The following STRA8 variants were observed in gnomAD, a reference collection of about 807,000 sequenced individuals.
STRA8 encodes the protein stimulated by retinoic acid gene 8 protein homolog.
A neutral mutation model predicts 37.1 loss-of-function variants in STRA8; 18 were observed. That is an observed-to-expected ratio of 0.48 (90% CI 0.34 to 0.72). The LOEUF (loss-of-function observed/expected upper bound fraction) is 0.72. STRA8 is among the 30% of genes least tolerant of loss of function. The pLI, the probability that STRA8 is intolerant of heterozygous loss-of-function variation, is 0.01. For synonymous variants in STRA8, 168 were observed against 162.9 expected, an observed-to-expected ratio of 1.03 and a Z score of -0.24; for missense variants, 357 against 410.4, an observed-to-expected ratio of 0.87 and a Z score of 1.13.
intron 1 of STRA8, among the ~76,000 whole-genome samples, chr7:135,238,357 T>G (rs1329148740): frequency 3.9e-5 from 6 of 152,102 alleles, no homozygotes; most frequent in African/African-American, 1.2e-4. Flanking sequence ...AGGCGACTGG[T>G]GGGAAGTCTG....
chr7:135,247,342 A>G (rs771351264), intron 6 of STRA8: 1 of 152,282 alleles, frequency 6.6e-6, no homozygotes, highest in Admixed American at 6.5e-5. Flanking sequence ...CGAGGCAGGC[A>G]GAGGAGCTCA....
In STRA8 at chr7:135,246,466, A is replaced by T. The variant is rs1010113367; in HGVS notation, c.643A>T (p.Ile215Phe). The T allele has an allele frequency of 1.9e-6, 3 of 1,598,318 alleles. No homozygotes were observed. Among genetic ancestry groups the T allele is most frequent in the Middle Eastern group, 3.3e-4 (2 of 6,046 alleles). ...QTMDLLTGSG[I>F]ITPQEAALPI... ...GATGGACCTTCTGACTGGCAGCGGG[A>T]TCATTACCCCGCAGGAGGCGGCGCT... The change falls in exon 6 of 9, where the codon ATC becomes TTC. Residue 215 changes from isoleucine (I) to phenylalanine (F), a missense_variant. Ile to Phe is a conservative substitution (Grantham distance 21). Transcript: ENST00000662584. This position sits in a 1 kb window ranked among gnomAD's most constrained non-coding sequence, Gnocchi z 5.4.
At chr7:135,234,176 A>AG (rs1187006798) in intron 1 of STRA8, among the ~76,000 whole-genome samples, 2 of 151,878 alleles carry the variant, frequency 1.3e-5, no homozygotes, top group Admixed American at 6.6e-5. Flanking sequence ...GCGAGATCTC[A>AG]GCTCACTGCA....
At position 135,246,400 on chromosome 7, in the gene STRA8, C is replaced by A; in HGVS notation, c.594-17C>A. 1 of 1,590,104 alleles carries A rather than the reference C, an allele frequency of 6.3e-7. No individual in the cohort carries two copies. The highest frequency in any genetic ancestry group is 1.1e-5 in the South Asian group (1 of 87,462). On this transcript the variant is annotated splice_polypyrimidine_tract_variant and intron_variant, in intron 5 of 8. Coordinates refer to ENST00000662584, the MANE Select transcript of STRA8 (RefSeq NM_001394401.1). This position sits in a 1 kb window ranked among gnomAD's most constrained non-coding sequence, Gnocchi z 5.4. ...AGGGAGCTTTAGGGGTGCGAGACGG[C>A]GCCGCTTCTGTTCCAGGTATCTCAA...
At position 135,243,339 on chromosome 7, in the gene STRA8, G is replaced by C; in HGVS notation, c.282G>C (p.Leu94=). The C allele has an allele frequency of 6.2e-7, 1 of 1,614,126 alleles. No individual in the cohort carries two copies. Among genetic ancestry groups the C allele is most frequent in the Middle Eastern group, 1.6e-4 (1 of 6,062 alleles). Residue 94 remains leucine, a synonymous_variant, in exon 4 of 9, where the codon CTG becomes CTC. Coordinates refer to ENST00000662584, the MANE Select transcript of STRA8 (RefSeq NM_001394401.1). The part of the protein sequence containing the change: ...NLLKLKASFN[L]EDGHASSLEE... ...ACTCCCCAATAGCATCCTTCAACCT[G>C]GAAGATGGGCATGCAAGCAGCTTAG...
At chr7:135,258,393 C>T in intron 8 of STRA8, 25 bp from the exon 9 acceptor site, 3 of 1,579,422 alleles carry the variant, frequency 1.9e-6, no homozygotes, top group Admixed American at 1.8e-5. Context: ...TAAAAAGTGA[C>T]CCTCTTCCAC....
At position 135,255,720 on chromosome 7, in the gene STRA8, GC is replaced by G. The variant is rs1166740936; in HGVS notation, c.1065+501del. Among the ~76,000 whole-genome samples, 11 of 152,286 alleles carry G rather than the reference GC, an allele frequency of 7.2e-5. No individual in the cohort carries two copies. In the East Asian group the frequency reaches 1.5e-3, roughly 21 times the overall value. On this transcript the variant is annotated intron_variant, in intron 8 of 8. Transcript: ENST00000662584. The stretch of plus-strand genomic sequence containing the variant: ...AGAGTTTCATCCTGAAACCACCCTT[GC>G]CCCCCAGGTCTGTGGGAAAATTGTC...
chr7:135,257,026 G>A (rs1832711997), intron 8 of STRA8, among the ~76,000 whole-genome samples: 1 of 152,130 alleles, frequency 6.6e-6, no homozygotes, highest in South Asian at 2.1e-4. Flanking sequence ...TGAACAAGGG[G>A]CCCACAAGAT....
At position 135,246,308 on chromosome 7, in the gene STRA8, C is replaced by T; in HGVS notation, c.594-109C>T. 2 of 1,423,226 alleles carry T rather than the reference C, an allele frequency of 1.4e-6. No homozygotes were observed. The highest frequency in any genetic ancestry group is 2.1e-5 in the Admixed American group (1 of 48,150). The allele number at this position is 1,423,226 out of a possible 1,614,324, so 88.2% of individuals were successfully genotyped here. A position where few individuals can be genotyped will look rare whatever the true frequency, so the allele number is the denominator to read the frequency against. The stretch of plus-strand genomic sequence containing the variant: ...CTGAGAAGTCTCAGCCCTGGTGAGC[C>T]GTGGCGCCGTGGCCGGGCCTGCGTG... On this transcript the variant is annotated intron_variant, in intron 5 of 8. Transcript: ENST00000662584. The surrounding 1 kb of genome is among the most constrained non-coding windows in gnomAD (Gnocchi z 5.4).
chr7:135,248,514 C>T (rs1832597348), intron 6 of STRA8, among the ~76,000 whole-genome samples: 1 of 152,112 alleles, frequency 6.6e-6, no homozygotes, highest in Admixed American at 6.5e-5. Flanking sequence ...TTGAGACCAG[C>T]CTGGGCAACA....
chr7:135,252,470 C>A (rs1832651384), intron 7 of STRA8, among the ~76,000 whole-genome samples: 1 of 152,152 alleles, frequency 6.6e-6, no homozygotes, highest in Non-Finnish European at 1.5e-5. Context: ...CAAATCAGAT[C>A]TGGTGCCTAA....
rs1832441868 is a variant in STRA8 at position 135,240,278 on chromosome 7, ATCT to A, written c.-6-240_-6-238del. On this transcript the variant is annotated intron_variant, in intron 1 of 8. Coordinates refer to ENST00000662584, the MANE Select transcript of STRA8 (RefSeq NM_001394401.1). ...ACAGAATTTGTGTTGACCCTGTATA[ATCT>A]CCATCTGCTTTTCTTAATTAGCAAT... Among the ~76,000 whole-genome samples, 3 of 152,034 alleles carry A rather than the reference ATCT, an allele frequency of 2.0e-5. No individual in the cohort carries two copies. In the South Asian group the frequency reaches 6.2e-4, roughly 32 times the overall value.
At chr7:135,251,497 C>T (rs1238482678) in intron 6 of STRA8, among the ~76,000 whole-genome samples, 1 of 152,188 alleles carries the variant, frequency 6.6e-6, no homozygotes, top group Non-Finnish European at 1.5e-5. Context: ...CTGGTAATTG[C>T]ATCTCACACC....
intron 4 of STRA8, among the ~76,000 whole-genome samples, chr7:135,244,243 GAC>G (rs1316288713): frequency 1.3e-5 from 2 of 152,296 alleles, no homozygotes; most frequent in East Asian, 3.9e-4. Flanking sequence ...ATTTTTAGTA[GAC>G]ACGGGGTTTC....
At chr7:135,254,622 TCA>T in intron 7 of STRA8, among the ~76,000 whole-genome samples, 1 of 152,172 alleles carries the variant, frequency 6.6e-6, no homozygotes, top group East Asian at 1.9e-4. Flanking sequence ...TAAGCTCGAG[TCA>T]CACAGGGCTT....
chr7:135,253,113 T>G (rs1832658837), intron 7 of STRA8, among the ~76,000 whole-genome samples: 1 of 152,184 alleles, frequency 6.6e-6, no homozygotes, highest in Admixed American at 6.5e-5. Flanking sequence ...TTTTGTATTT[T>G]TAGCAGAGAC....
In STRA8 at chr7:135,245,463, G is replaced by C. The variant is rs1832536027; in HGVS notation, c.529G>C (p.Glu177Gln). ...EEEEEEEEEE[E>Q]EKKVILYSPG... ...GGAAGAGGAAGAGGAGGAGGAGGAA[G>C]AGGAGAAAAAAGTGATCTTATACTC... The change falls in exon 5 of 9, where the codon GAG becomes CAG. Residue 177 changes from glutamate (E) to glutamine (Q), a missense_variant. Coordinates refer to ENST00000662584, the MANE Select transcript of STRA8 (RefSeq NM_001394401.1). The C allele has an allele frequency of 2.8e-6, 2 of 711,942 alleles. No homozygotes were observed. Among genetic ancestry groups the C allele is most frequent in the Non-Finnish European group, 5.1e-6 (2 of 389,052 alleles). The allele number at this position is 711,942 out of a possible 1,614,324, so 44.1% of individuals were successfully genotyped here. A position where few individuals can be genotyped will look rare whatever the true frequency, so the allele number is the denominator to read the frequency against.
chr7:135,251,474 G>A (rs1832632676), intron 6 of STRA8, among the ~76,000 whole-genome samples: 1 of 152,178 alleles, frequency 6.6e-6, no homozygotes, highest in South Asian at 2.1e-4. Flanking sequence ...TTTCTCAGTG[G>A]TAAACTGAGG....
chr7:135,251,987 G>A, intron 7 of STRA8, 118 bp downstream of exon 7: 1 of 917,324 alleles, frequency 1.1e-6, no homozygotes, highest in Non-Finnish European at 1.8e-6. Flanking sequence ...CAGAGACAGA[G>A]AGAGGAGACA....
Sources: allele counts gnomAD v4.1 joint callset (sites outside exome capture counted in the v4.1 genomes callset), GRCh38; gene constraint gnomAD v4.1.1; non-coding constraint Gnocchi (gnomAD v3.1); transcripts MANE v1.5; gene names NCBI Gene and HGNC (gene_info 2026-07-23, HGNC 2026-07-21).